The following BSPRY variants were observed in gnomAD, a reference collection of about 807,000 sequenced individuals.
BSPRY encodes the protein B-box and SPRY domain containing, also known as B box and SPRY domain-containing protein.
Under a neutral mutation model 38.0 loss-of-function variants are expected in BSPRY, and 33 were observed. The ratio of observed to expected loss-of-function variants is 0.87; its 90% CI spans 0.66 to 1.16. The LOEUF (loss-of-function observed/expected upper bound fraction) is 1.16. Among genes scored for constraint, BSPRY ranks in the 50% most tolerant of loss-of-function variants. The pLI is 0.00. For missense variants in BSPRY, 523 were observed against 533.2 expected (o/e 0.98, Z 0.19); for synonymous variants, 224 against 228.5 (o/e 0.98, Z 0.18).
At position 113,360,078 on chromosome 9, in the gene BSPRY, A is replaced by G. The variant is rs534397464; in HGVS notation, c.301-429A>G. Among the ~76,000 whole-genome samples the G allele has an allele frequency of 2.6e-5, 4 of 152,262 alleles. No individual in the cohort carries two copies. The South Asian group carries it at 6.2e-4, about 24-fold the overall frequency. ...AAGTCATCAGTTTTTTCCCTCAAAC[A>G]TGGTGAAATATCAACTGTACCACTG... On this transcript the variant is annotated intron_variant, in intron 2 of 5. Coordinates refer to ENST00000374183, the MANE Select transcript of BSPRY (RefSeq NM_017688.3).
chr9:113,363,876 C>CAAAAAAAAA (rs57026104), intron 4 of BSPRY, among the ~76,000 whole-genome samples: 1 of 37,568 alleles, frequency 2.7e-5, no homozygotes, highest in East Asian at 1.3e-3. Context: ...GACTCCACCT[C>CAAAAAAAAA]AAAAAAAAAA....
At chr9:113,358,137 AT>A (rs1834093850) in intron 2 of BSPRY, among the ~76,000 whole-genome samples, 3 of 150,206 alleles carry the variant, frequency 2.0e-5, no homozygotes, top group South Asian at 4.2e-4. Flanking sequence ...AGTCCCAACT[AT>A]TTGGGAGGGT....
rs1189614606 is a variant in BSPRY at position 113,349,646 on chromosome 9, C to T, written c.67C>T (p.Pro23Ser). The T allele has an allele frequency of 4.9e-6, 6 of 1,228,214 alleles. No individual in the cohort carries two copies. Among genetic ancestry groups the T allele is most frequent in the Non-Finnish European group, 6.1e-6 (6 of 984,026 alleles). The allele number at this position is 1,228,214 out of a possible 1,614,324, so 76.1% of individuals were successfully genotyped here. The change falls in exon 1 of 6, where the codon CCC (proline) becomes TCC (serine). Residue 23 changes from proline to serine, a missense_variant. Coordinates refer to ENST00000374183, the MANE Select transcript of BSPRY (RefSeq NM_017688.3). ...CGGGCCCGGGCCGGGGCCACTCTGC[C>T]CCGAACACGGCCAGGCTCTGAGCTG... Reference protein sequence around the residue: ...GSGPGPGPLCPEHGQALSWFC... With the variant: ...GSGPGPGPLCSEHGQALSWFC...
chr9:113,357,789 G>T (rs573187653), intron 2 of BSPRY, among the ~76,000 whole-genome samples: 91 of 149,812 alleles, frequency 6.1e-4, no homozygotes, highest in Non-Finnish European at 1.1e-3. Context: ...GCTCACTGCA[G>T]CCTTGAACTC....
intron 4 of BSPRY, among the ~76,000 whole-genome samples, chr9:113,363,833 C>T (rs1350152441): frequency 2.3e-5 from 3 of 129,888 alleles, no homozygotes; most frequent in African/African-American, 9.2e-5. Context: ...AGCTGAGATG[C>T]GCCACTGCAC....
intron 2 of BSPRY, among the ~76,000 whole-genome samples, chr9:113,354,823 C>T (rs1834031358): frequency 6.6e-6 from 1 of 152,140 alleles, no homozygotes; most frequent in African/African-American, 2.4e-5. Context: ...GTCTCCTAGG[C>T]TAGTGCTCCT....
chr9:113,370,131 A>G lies in BSPRY; in HGVS notation c.1198A>G (p.Ile400Val), dbSNP rs762355271. Residue 400 changes from isoleucine (I) to valine (V), a missense_variant, in exon 6 of 6, where the codon ATC (isoleucine) becomes GTC (valine). Coordinates refer to ENST00000374183, the MANE Select transcript of BSPRY (RefSeq NM_017688.3). The surrounding 1 kb of genome is among the most constrained non-coding windows in gnomAD (Gnocchi z 4.8). ...VFAVADQTIS[I>V]VR Reference sequence around the variant, plus strand: ...TGCTGTGGCCGATCAGACCATTTCTATCGTCCGCTGACCTCTGGCCACAGG... The same window carrying G: ...TGCTGTGGCCGATCAGACCATTTCTGTCGTCCGCTGACCTCTGGCCACAGG... 65 of 1,568,042 alleles carry G rather than the reference A, an allele frequency of 4.1e-5. No individual in the cohort carries two copies. Among genetic ancestry groups the G allele is most frequent in the Non-Finnish European group, 3.9e-5 (45 of 1,157,040 alleles).
chr9:113,367,413 TG>T (rs1358877980), intron 4 of BSPRY, among the ~76,000 whole-genome samples: 2 of 152,156 alleles, frequency 1.3e-5, no homozygotes, highest in Non-Finnish European at 2.9e-5. Flanking sequence ...CATTTGTGGC[TG>T]GGGTGATAAC....
At position 113,370,137 on chromosome 9, in the gene BSPRY, C is replaced by A; in HGVS notation, c.1204C>A (p.Arg402Ser). 1.3e-6 allele frequency: 2 copies of A among 1,558,378 alleles called. No individual in the cohort carries two copies. The highest frequency in any genetic ancestry group is 1.7e-6 in the Non-Finnish European group (2 of 1,152,540). Residue 402 changes from arginine to serine, a missense_variant, in exon 6 of 6, where the codon CGC becomes AGC. Arg to Ser is a moderately radical substitution (Grantham distance 110). Coordinates refer to ENST00000374183, the MANE Select transcript of BSPRY (RefSeq NM_017688.3). This position sits in a 1 kb window ranked among gnomAD's most constrained non-coding sequence, Gnocchi z 4.8. ...AVADQTISIV[R>S] ...GGCCGATCAGACCATTTCTATCGTCCGCTGACCTCTGGCCACAGGAAGCCA... is the reference window on the plus strand; with the variant it reads ...GGCCGATCAGACCATTTCTATCGTCAGCTGACCTCTGGCCACAGGAAGCCA...
In BSPRY at chr9:113,368,289, C is replaced by T. The variant is rs762591846; in HGVS notation, c.588C>T (p.Pro196=). The T allele has an allele frequency of 4.3e-6, 7 of 1,614,074 alleles. No homozygotes were observed. The highest frequency in any genetic ancestry group is 5.9e-6 in the Non-Finnish European group (7 of 1,179,990). ...RTEEAEGILD[P]QESEMLNFNE... ...AAGAAGCAGAGGGCATTTTGGATCCCCAGGAGTCGGAAATGTTAAACTTTA... is the reference window on the plus strand; with the variant it reads ...AAGAAGCAGAGGGCATTTTGGATCCTCAGGAGTCGGAAATGTTAAACTTTA... The change falls in exon 5 of 6, where the codon CCC becomes CCT. Residue 196 remains proline, a synonymous_variant. Transcript: ENST00000374183.
chr9:113,350,901 T>C (rs1833960458), intron 1 of BSPRY, among the ~76,000 whole-genome samples: 1 of 152,214 alleles, frequency 6.6e-6, no homozygotes, highest in African/African-American at 2.4e-5. Context: ...ATGTCTGTCA[T>C]CTCATTCTGT....
At chr9:113,362,496 G>C in intron 4 of BSPRY, 102 bp downstream of exon 4, 3 of 1,286,988 alleles carry the variant, frequency 2.3e-6, no homozygotes, top group Non-Finnish European at 3.4e-6. Flanking sequence ...GAATGCACAG[G>C]GTGTGCAGCT....
Position 113,357,111 on chromosome 9 carries a change from T to C in BSPRY, c.300+2773T>C, listed in dbSNP as rs554857044. Among the ~76,000 whole-genome samples, 4 of 152,276 alleles carry C rather than the reference T, an allele frequency of 2.6e-5. No homozygotes were observed. In the South Asian group the frequency reaches 8.3e-4, roughly 32 times the overall value. ...AGACTGAGCCCTAGGGCACTTCACCTCCTATTGAGAAGACAGAAGGAACCA... is the reference window on the plus strand; with the variant it reads ...AGACTGAGCCCTAGGGCACTTCACCCCCTATTGAGAAGACAGAAGGAACCA... On this transcript the variant is annotated intron_variant, in intron 2 of 5. Coordinates refer to ENST00000374183, the MANE Select transcript of BSPRY (RefSeq NM_017688.3).
In BSPRY at chr9:113,349,880, G is replaced by T; in HGVS notation, c.201+100G>T. The stretch of plus-strand genomic sequence containing the variant: ...GGGGAGCCTGGGGCTGGGCGGACTC[G>T]ACACCCGGCCCCGGAGCCTAGGCTC... On this transcript the variant is annotated intron_variant, in intron 1 of 5. Transcript: ENST00000374183. 2.5e-6 allele frequency: 3 copies of T among 1,182,672 alleles called. No individual in the cohort carries two copies. The East Asian group carries it at 1.1e-4, about 43-fold the overall frequency. 73.3% of individuals were successfully genotyped at this position (1,182,672 alleles called of 1,614,324 possible).
intron 2 of BSPRY, among the ~76,000 whole-genome samples, chr9:113,357,940 A>G (rs867464864): frequency 8.6e-5 from 6 of 69,716 alleles, no homozygotes; most frequent in African/African-American, 5.8e-4. Context: ...ATATATATAT[A>G]TATCTCTATT....
Position 113,370,088 on chromosome 9 carries a change from G to A in BSPRY, c.1155G>A (p.Gly385=), listed in dbSNP as rs368171909. ...VLCAHHVSFP[G]PLFPVFAVAD... ...GTGCCCATCATGTGTCCTTCCCGGG[G>A]CCCCTCTTCCCAGTCTTTGCTGTGG... The change falls in exon 6 of 6, where the codon GGG becomes GGA. Residue 385 remains glycine (G), a synonymous_variant. Transcript: ENST00000374183. The surrounding 1 kb of genome is among the most constrained non-coding windows in gnomAD (Gnocchi z 4.8). 350 of 1,608,730 alleles carry A rather than the reference G, an allele frequency of 2.2e-4. 1 individual carries two copies. The African/African-American group carries it at 4.1e-3, about 19-fold the overall frequency.
At chr9:113,360,470 C>T (rs1196154961) in intron 2 of BSPRY, 37 bp from the exon 3 acceptor site, 7 of 1,558,200 alleles carry the variant, frequency 4.5e-6, no homozygotes, top group Non-Finnish European at 6.1e-6. Context: ...CGGGGCTTTG[C>T]ACAGACCACC....
chr9:113,364,988 A>G (rs1442378339), intron 4 of BSPRY, among the ~76,000 whole-genome samples: 3 of 147,932 alleles, frequency 2.0e-5, no homozygotes, highest in Non-Finnish European at 4.5e-5. Context: ...AGTCAAGGCC[A>G]GTTTTATAGG....
At chr9:113,366,467 C>G (rs1163984301) in intron 4 of BSPRY, among the ~76,000 whole-genome samples, 1 of 152,210 alleles carries the variant, frequency 6.6e-6, no homozygotes, top group Admixed American at 6.5e-5. Flanking sequence ...TCAACTCTGA[C>G]TGGACACTGC....
Sources: allele counts gnomAD v4.1 joint callset (sites outside exome capture counted in the v4.1 genomes callset), GRCh38; gene constraint gnomAD v4.1.1; non-coding constraint Gnocchi (gnomAD v3.1); transcripts MANE v1.5; gene names NCBI Gene and HGNC (gene_info 2026-07-23, HGNC 2026-07-21).